The following MTUS2 variants were observed in gnomAD, a reference collection of about 807,000 sequenced individuals.
The protein encoded by MTUS2 is microtubule-associated tumor suppressor candidate 2.
In MTUS2, 40 loss-of-function variants were observed where a neutral mutation model predicts 114.1. The ratio of observed to expected loss-of-function variants is 0.35; its 90% confidence interval spans 0.27 to 0.46. MTUS2 has a LOEUF of 0.46. Among genes scored for constraint, MTUS2 ranks in the 20% least tolerant of loss-of-function variants. MTUS2 has a pLI of 1.00. For missense variants in MTUS2, 1,679 were observed against 1,705.4 expected (o/e 0.98, Z 0.27); for synonymous variants, 688 against 672.0 (o/e 1.02, Z -0.37).
intron 5 of MTUS2, among the ~76,000 whole-genome samples, chr13:29,200,701 G>T (rs1047319515): frequency 2.0e-5 from 3 of 151,758 alleles, no homozygotes; most frequent in African/African-American, 7.3e-5. Context: ...TGTATTTTTA[G>T]TAGGGACAGG....
intron 10 of MTUS2, chr13:29,484,313 C>T (rs975492076): frequency 2.0e-5 from 3 of 152,302 alleles, no homozygotes; most frequent in South Asian, 2.1e-4. Context: ...AGCCCTCCTG[C>T]AGAGCAGGCT....
At chr13:29,076,679 A>G (rs1889208114) in intron 4 of MTUS2, among the ~76,000 whole-genome samples, 1 of 152,136 alleles carries the variant, frequency 6.6e-6, no homozygotes, top group Non-Finnish European at 1.5e-5. Flanking sequence ...TCGATGAGCA[A>G]TCCAAGAGCC....
chr13:28,829,538 AAAAC>A (rs922016253), intron 1 of MTUS2, among the ~76,000 whole-genome samples: 3 of 152,156 alleles, frequency 2.0e-5, no homozygotes, highest in African/African-American at 7.2e-5. Context: ...TCTAAAAAAA[AAAAC>A]AAACAATAAC....
chr13:29,494,222 T>TA (rs1390794241), intron 12 of MTUS2, among the ~76,000 whole-genome samples: 1 of 152,266 alleles, frequency 6.6e-6, no homozygotes, highest in Non-Finnish European at 1.5e-5. Flanking sequence ...AGATCACTGC[T>TA]AATAAGTGGC....
At chr13:28,889,854 A>G (rs2137907749) in intron 2 of MTUS2, among the ~76,000 whole-genome samples, 1 of 151,986 alleles carries the variant, frequency 6.6e-6, no homozygotes, top group South Asian at 2.1e-4. Flanking sequence ...TCTTAAGTGG[A>G]GTTTGGGCAT....
At chr13:29,096,827 T>G (rs567778080) in intron 4 of MTUS2, among the ~76,000 whole-genome samples, 76 of 152,332 alleles carry the variant, frequency 5.0e-4, no homozygotes, top group Non-Finnish European at 9.7e-4. Context: ...TAGCTTCTAG[T>G]CTTCTCCCTT....
At position 29,333,618 on chromosome 13, in the gene MTUS2, A is replaced by T. The variant is rs142131014; in HGVS notation, c.2905+8907A>T. ...TTTTTTACTTCCGATTATGTGGTCA[A>T]TTATAGAATAAGTGTAATGTGGTGC... On this transcript the variant is annotated intron_variant, in intron 7 of 15. Transcript: ENST00000612955. Among the ~76,000 whole-genome samples the T allele has an allele frequency of 1.1e-3, 174 of 152,324 alleles. 1 individual carries two copies. Among genetic ancestry groups the T allele is most frequent in the African/African-American group, 4.0e-3 (168 of 41,562 alleles).
At chr13:29,428,822 C>T (rs761473451) in intron 8 of MTUS2, 2 of 1,613,838 alleles carry the variant, frequency 1.2e-6, no homozygotes, top group Non-Finnish European at 1.7e-6. Context: ...AGGAGGTCCC[C>T]TTGCCAGCCA....
intron 5 of MTUS2, among the ~76,000 whole-genome samples, chr13:29,246,697 TGA>T (rs1466956254): frequency 6.6e-6 from 1 of 152,108 alleles, no homozygotes; most frequent in Non-Finnish European, 1.5e-5. Flanking sequence ...AAGGCAATAG[TGA>T]GAGGTTTTTA....
intron 5 of MTUS2, among the ~76,000 whole-genome samples, chr13:29,150,425 G>C (rs1892618926): frequency 6.6e-6 from 1 of 151,928 alleles, no homozygotes; most frequent in Non-Finnish European, 1.5e-5. Context: ...AGTTCCTTAT[G>C]GATTCTGGAC....
intron 9 of MTUS2, among the ~76,000 whole-genome samples, chr13:29,471,865 G>A (rs566840809): frequency 6.4e-4 from 97 of 152,188 alleles, no homozygotes; most frequent in African/African-American, 2.1e-3. Flanking sequence ...AACGGTATGA[G>A]GCAGGTGCTT....
At chr13:29,216,659 C>T (rs1895694805) in intron 5 of MTUS2, among the ~76,000 whole-genome samples, 1 of 152,168 alleles carries the variant, frequency 6.6e-6, no homozygotes, top group African/African-American at 2.4e-5. Context: ...GACACCCCAC[C>T]CTGCTTCTGC....
intron 8 of MTUS2, among the ~76,000 whole-genome samples, chr13:29,388,500 T>G (rs1872786315): frequency 6.6e-6 from 1 of 151,598 alleles, no homozygotes; most frequent in African/African-American, 2.4e-5. Flanking sequence ...AAGTCTGGCC[T>G]CCATCTACAT....
At chr13:29,306,801 C>A in intron 6 of MTUS2, 3 of 391,712 alleles carry the variant, frequency 7.7e-6, no homozygotes, top group South Asian at 3.9e-5. Context: ...AGGCCAGAGT[C>A]GACAGATTTG....
chr13:29,242,812 A>AT (rs1241172910), intron 5 of MTUS2: 1 of 152,232 alleles, frequency 6.6e-6, no homozygotes, highest in African/African-American at 2.4e-5. Context: ...TTCTAAGTAC[A>AT]TTACATGTAT....
intron 5 of MTUS2, among the ~76,000 whole-genome samples, chr13:29,269,191 C>T (rs1319524868): frequency 6.6e-6 from 1 of 152,152 alleles, no homozygotes; most frequent in East Asian, 1.9e-4. Context: ...CCCCAGTGCC[C>T]ATTTGTCCTT....
intron 9 of MTUS2, among the ~76,000 whole-genome samples, chr13:29,440,614 A>C (rs1419661421): frequency 2.0e-5 from 3 of 152,162 alleles, no homozygotes; most frequent in Admixed American, 2.0e-4. Flanking sequence ...GGACAGGACC[A>C]GGTATTTGCC....
intron 4 of MTUS2, among the ~76,000 whole-genome samples, chr13:29,076,676 G>C (rs1261394002): frequency 6.6e-6 from 1 of 152,154 alleles, no homozygotes; most frequent in Non-Finnish European, 1.5e-5. Context: ...CCCTCGATGA[G>C]CAATCCAAGA....
At chr13:29,112,648 C>G (rs1414205424) in intron 5 of MTUS2, among the ~76,000 whole-genome samples, 1 of 151,806 alleles carries the variant, frequency 6.6e-6, no homozygotes, top group Non-Finnish European at 1.5e-5. Flanking sequence ...GGAGAAAGAT[C>G]CAGTAACCAG....
Sources: allele counts gnomAD v4.1 joint callset (sites outside exome capture counted in the v4.1 genomes callset), GRCh38; gene constraint gnomAD v4.1.1; transcripts MANE v1.5; gene names NCBI Gene and HGNC (gene_info 2026-07-23, HGNC 2026-07-21).